COG5: variants seen among roughly 807,000 people sequenced by gnomAD.
The protein encoded by COG5 is conserved oligomeric Golgi complex subunit 5.
Under a neutral mutation model 110.4 loss-of-function variants are expected in COG5, and 86 were observed. The ratio of observed to expected loss-of-function variants is 0.78; its 90% CI spans 0.65 to 0.93. COG5 has a LOEUF of 0.93. Among genes scored for constraint, COG5 ranks in the 40% least tolerant of loss-of-function variants. The pLI is 0.00. For synonymous variants in COG5, 360 were observed against 334.6 expected, an observed-to-expected ratio of 1.08 and a Z score of -0.83; for missense variants, 1,077 against 987.0, an observed-to-expected ratio of 1.09 and a Z score of -1.22.
At position 107,283,866 on chromosome 7, in the gene COG5, A is replaced by C. The variant is rs1805398775; in HGVS notation, c.1314-134T>G. 1.2e-5 allele frequency: 8 copies of C among 672,864 alleles called. No homozygotes were observed. In the South Asian group the frequency reaches 1.4e-4, roughly 12 times the overall value. 41.7% of individuals were successfully genotyped at this position (672,864 alleles called of 1,614,324 possible). On this transcript the variant is annotated intron_variant, in intron 12 of 21. Transcript: ENST00000297135. ...ACTCTATATTAAGAAAAAGAAAATAATTTGTTTCACAACGTACATATTTAC... is the reference window on the plus strand; with the variant it reads ...ACTCTATATTAAGAAAAAGAAAATACTTTGTTTCACAACGTACATATTTAC...
chr7:107,513,661 A>G (rs1799704931), intron 6 of COG5, among the ~76,000 whole-genome samples: 1 of 152,172 alleles, frequency 6.6e-6, no homozygotes, highest in Non-Finnish European at 1.5e-5. Flanking sequence ...ATGTCCAACA[A>G]TGATAGACTG....
chr7:107,216,345 A>T (rs887044567), intron 19 of COG5, among the ~76,000 whole-genome samples: 1 of 152,244 alleles, frequency 6.6e-6, no homozygotes, highest in East Asian at 1.9e-4. Flanking sequence ...CAGATCATCC[A>T]GATAGAAAGT....
intron 6 of COG5, among the ~76,000 whole-genome samples, chr7:107,428,732 G>A (rs1335330357): frequency 6.6e-6 from 1 of 151,998 alleles, no homozygotes. Context: ...CCCAATTTAG[G>A]CCTGAAGCTA....
chr7:107,400,045 CT>C (rs79981193), intron 7 of COG5, among the ~76,000 whole-genome samples: 59 of 147,558 alleles, frequency 4.0e-4, no homozygotes, highest in Non-Finnish European at 4.5e-4. Flanking sequence ...AAAATCTAAC[CT>C]TTTTTTTTTG....
chr7:107,538,242 C>G (rs1159234622), intron 5 of COG5, among the ~76,000 whole-genome samples: 2 of 152,184 alleles, frequency 1.3e-5, no homozygotes, highest in Non-Finnish European at 2.9e-5. Flanking sequence ...TAGGGCAGGG[C>G]GGCCAGCTTT....
At chr7:107,288,166 C>G in intron 12 of COG5, among the ~76,000 whole-genome samples, 1 of 152,072 alleles carries the variant, frequency 6.6e-6, no homozygotes, top group African/African-American at 2.4e-5. Context: ...AAGTTCAAGA[C>G]CAGCCTGTGC....
At chr7:107,251,327 A>G (rs558149641) in intron 16 of COG5, among the ~76,000 whole-genome samples, 1 of 152,304 alleles carries the variant, frequency 6.6e-6, no homozygotes, top group South Asian at 2.1e-4. Context: ...ATTTCTGGCA[A>G]AAGAAAATTA....
At chr7:107,557,816 G>C (rs1330718989) in intron 2 of COG5, among the ~76,000 whole-genome samples, 160 bp downstream of exon 2, 1 of 152,196 alleles carries the variant, frequency 6.6e-6, no homozygotes, top group African/African-American at 2.4e-5. Context: ...ACAAAAAGTG[G>C]TTTACAGAAA....
intron 10 of COG5, among the ~76,000 whole-genome samples, chr7:107,330,632 T>C (rs571644692): frequency 6.6e-6 from 1 of 152,312 alleles, no homozygotes; most frequent in East Asian, 1.9e-4. Context: ...TTGTGCTGAG[T>C]ATAGTGAAAA....
chr7:107,288,143 C>T (rs1805801883), intron 12 of COG5, among the ~76,000 whole-genome samples: 1 of 152,100 alleles, frequency 6.6e-6, no homozygotes, highest in African/African-American at 2.4e-5. Flanking sequence ...GCAGGAGGAT[C>T]CCTTGAGCCC....
chr7:107,451,562 C>T (rs566473382), intron 6 of COG5, among the ~76,000 whole-genome samples: 27 of 152,182 alleles, frequency 1.8e-4, no homozygotes, highest in African/African-American at 5.8e-4. Flanking sequence ...AGTGTGCCTG[C>T]CTTTCCTGCC....
At chr7:107,261,392 T>C (rs1412832020) in intron 14 of COG5, among the ~76,000 whole-genome samples, 1 of 152,170 alleles carries the variant, frequency 6.6e-6, no homozygotes, top group African/African-American at 2.4e-5. Flanking sequence ...ATTATGGCCC[T>C]TTACCCCTAA....
In COG5 at chr7:107,258,359, G is replaced by C. The variant is rs1205631791; in HGVS notation, c.1600C>G (p.Gln534Glu). 1 of 1,610,170 alleles carries C rather than the reference G, an allele frequency of 6.2e-7. No individual in the cohort carries two copies. The highest frequency in any genetic ancestry group is 8.5e-7 in the Non-Finnish European group (1 of 1,176,758). ...CCTTCAGTAAGAGGCCCAATCACCT[G>C]ACTTGCATCTCCTTGTGTGGAGAGC... is the stretch of plus-strand genomic sequence containing the variant. The part of the protein sequence containing the change: ...QLLSTQGDAS[Q>E]VIGPLTEGQR... The change falls in exon 15 of 22, where the codon CAG becomes GAG. Residue 534 changes from glutamine to glutamate, a missense_variant. Transcript: ENST00000297135.
Position 107,377,146 on chromosome 7 carries a change from T to A in COG5, c.670-4386A>T, listed in dbSNP as rs552294433. On this transcript the variant is annotated intron_variant, in intron 7 of 21. Coordinates refer to ENST00000297135, the MANE Select transcript of COG5 (RefSeq NM_006348.5). ...TGGATACAGTTTACATAACACTGGT[T>A]TATTTATTCCTTAAATGTTTGGAAG... 3.3e-5 allele frequency among the ~76,000 whole-genome samples: 5 copies of A among 152,320 alleles called. No individual in the cohort carries two copies. The East Asian group carries it at 5.8e-4, about 18-fold the overall frequency.
chr7:107,504,122 C>T (rs566549890), intron 6 of COG5, among the ~76,000 whole-genome samples: 2 of 152,020 alleles, frequency 1.3e-5, no homozygotes, highest in African/African-American at 4.8e-5. Flanking sequence ...AGTATGATGT[C>T]GGCTGTGGGT....
At chr7:107,488,876 T>A (rs541379776) in intron 6 of COG5, among the ~76,000 whole-genome samples, 3 of 151,796 alleles carry the variant, frequency 2.0e-5, no homozygotes, top group East Asian at 1.9e-4. Context: ...AAAAAAAAAA[T>A]AACAGCATTT....
At chr7:107,224,459 T>C (rs1185398625) in intron 19 of COG5, among the ~76,000 whole-genome samples, 1 of 152,230 alleles carries the variant, frequency 6.6e-6, no homozygotes, top group Non-Finnish European at 1.5e-5. Context: ...CCTGACAGCT[T>C]TCACTGCCCT....
chr7:107,208,629 C>T (rs528516300), intron 21 of COG5: 7 of 985,450 alleles, frequency 7.1e-6, no homozygotes, highest in Admixed American at 6.1e-5. Flanking sequence ...AAGCCTTTCC[C>T]GAGGGCAGAT....
chr7:107,486,245 T>TA (rs1287722459), intron 6 of COG5, among the ~76,000 whole-genome samples: 6 of 152,124 alleles, frequency 3.9e-5, no homozygotes, highest in African/African-American at 1.4e-4. Context: ...CATCATAGTT[T>TA]ACGCCCTCAA....
Sources: allele counts gnomAD v4.1 joint callset (sites outside exome capture counted in the v4.1 genomes callset), GRCh38; gene constraint gnomAD v4.1.1; transcripts MANE v1.5; gene names NCBI Gene and HGNC (gene_info 2026-07-23, HGNC 2026-07-21).